Variants in GSK3B observed in about 807,000 individuals in gnomAD.
GSK3B encodes the protein glycogen synthase kinase 3 beta, also known as glycogen synthase kinase-3 beta.
In GSK3B, 15 loss-of-function variants were observed where a neutral mutation model predicts 56.4. That is an observed-to-expected ratio of 0.27 (90% CI 0.18 to 0.41). GSK3B has a LOEUF of 0.41. Ranked by LOEUF, GSK3B falls within the 10% of genes least tolerant of loss-of-function variation. GSK3B has a pLI of 1.00. For synonymous variants in GSK3B, 181 were observed against 188.9 expected (o/e 0.96, Z 0.34); for missense variants, 300 against 513.4 (o/e 0.58, Z 4.02).
At chr3:119,981,613 G>A (rs966704379) in intron 2 of GSK3B, among the ~76,000 whole-genome samples, 8 of 152,368 alleles carry the variant, frequency 5.3e-5, no homozygotes, top group African/African-American at 7.2e-5. Context: ...GTCTGAGATC[G>A]ATCTGTCAGG....
intron 1 of GSK3B, among the ~76,000 whole-genome samples, chr3:120,072,280 G>A (rs567333914): frequency 3.2e-4 from 48 of 152,206 alleles, no homozygotes; most frequent in East Asian, 1.9e-4. Flanking sequence ...ATCTTCGGCC[G>A]GGCACGGTAG....
chr3:119,897,151 T>C (rs1278131694), intron 7 of GSK3B, among the ~76,000 whole-genome samples: 1 of 152,172 alleles, frequency 6.6e-6, no homozygotes, highest in Non-Finnish European at 1.5e-5. Flanking sequence ...CGATTTCAAA[T>C]GGATGCCATT....
intron 2 of GSK3B, among the ~76,000 whole-genome samples, chr3:119,970,964 G>A (rs1021923166): frequency 6.6e-6 from 1 of 152,064 alleles, no homozygotes; most frequent in Admixed American, 6.6e-5. Context: ...TAAACAATTA[G>A]AATATCTCCC....
intron 8 of GSK3B, among the ~76,000 whole-genome samples, chr3:119,871,232 T>C (rs759270971): frequency 1.2e-4 from 19 of 152,200 alleles, no homozygotes; most frequent in African/African-American, 3.9e-4. Context: ...AGAATTCAAT[T>C]TTCTGCTTAC....
chr3:120,061,877 C>T (rs977531274), intron 1 of GSK3B, among the ~76,000 whole-genome samples: 1 of 152,146 alleles, frequency 6.6e-6, no homozygotes. Flanking sequence ...GCATTACAGG[C>T]ATGTGCTACC....
chr3:119,870,959 A>G (rs1049285646), intron 8 of GSK3B, among the ~76,000 whole-genome samples: 1 of 152,182 alleles, frequency 6.6e-6, no homozygotes, highest in African/African-American at 2.4e-5. Context: ...TGGATGTGAA[A>G]GAAAACTTTG....
chr3:120,026,512 TACACACAC>T (rs61580328), intron 1 of GSK3B, among the ~76,000 whole-genome samples: 29,085 of 130,402 alleles, frequency 0.22, 3,144 homozygotes, highest in East Asian at 0.4. Flanking sequence ...TACCGCCAAA[TACACACAC>T]ACACACACAC....
chr3:120,001,642 T>C (rs2057677988), intron 2 of GSK3B, among the ~76,000 whole-genome samples: 1 of 152,142 alleles, frequency 6.6e-6, no homozygotes, highest in South Asian at 2.1e-4. Context: ...AGTTGCAACA[T>C]GGATTAAAAA....
At chr3:120,003,572 TAAAAG>T (rs553821427) in intron 1 of GSK3B, among the ~76,000 whole-genome samples, 280 of 152,262 alleles carry the variant, frequency 1.8e-3, no homozygotes, top group Non-Finnish European at 3.3e-3. Context: ...ATTAACCTAA[TAAAAG>T]AAAAGTAATA....
At chr3:119,873,738 A>C (rs1033950082) in intron 8 of GSK3B, among the ~76,000 whole-genome samples, 9 of 152,136 alleles carry the variant, frequency 5.9e-5, no homozygotes, top group Non-Finnish European at 8.8e-5. Context: ...AAAAACAATA[A>C]AATTTCTGCA....
At chr3:119,878,667 T>C (rs192190362) in intron 7 of GSK3B, among the ~76,000 whole-genome samples, 1 of 152,310 alleles carries the variant, frequency 6.6e-6, no homozygotes, top group East Asian at 1.9e-4. Flanking sequence ...CAAATATGCA[T>C]AGCATATTTT....
chr3:119,915,945 C>A, intron 5 of GSK3B, 99 bp downstream of exon 5: 2 of 752,336 alleles, frequency 2.7e-6, no homozygotes, highest in South Asian at 2.0e-5. Context: ...ATAAGAATTA[C>A]TGTGTTTAGG....
intron 1 of GSK3B, among the ~76,000 whole-genome samples, chr3:120,014,867 G>A: frequency 6.6e-6 from 1 of 152,176 alleles, no homozygotes. Context: ...AAAACATAGG[G>A]TGGCAGAGGA....
At chr3:119,899,294 A>G (rs116053612) in intron 7 of GSK3B, among the ~76,000 whole-genome samples, 1 of 152,126 alleles carries the variant, frequency 6.6e-6, no homozygotes, top group Non-Finnish European at 1.5e-5. Flanking sequence ...TTTTCCACTT[A>G]ATGTTTCTGA....
chr3:119,842,970 C>A (rs1403076300), intron 10 of GSK3B, among the ~76,000 whole-genome samples: 1 of 151,646 alleles, frequency 6.6e-6, no homozygotes, highest in African/African-American at 2.4e-5. Context: ...GGCTGGAGTG[C>A]AGTGGCGCAA....
chr3:120,055,778 C>T (rs1369048303), intron 1 of GSK3B, among the ~76,000 whole-genome samples: 2 of 152,034 alleles, frequency 1.3e-5, no homozygotes, highest in African/African-American at 4.8e-5. Context: ...GATCTTTCAA[C>T]AAAGAATATT....
intron 2 of GSK3B, among the ~76,000 whole-genome samples, chr3:119,974,861 C>G (rs1435964378): frequency 6.6e-6 from 1 of 152,208 alleles, no homozygotes; most frequent in Non-Finnish European, 1.5e-5. Context: ...AACAAGAACA[C>G]TCACTCATTG....
intron 1 of GSK3B, among the ~76,000 whole-genome samples, chr3:120,066,341 G>C (rs776475702): frequency 6.6e-5 from 10 of 152,028 alleles, no homozygotes; most frequent in Non-Finnish European, 1.2e-4. Flanking sequence ...TGTCATACTA[G>C]AAAACAGGAT....
intron 1 of GSK3B, among the ~76,000 whole-genome samples, chr3:120,075,902 G>C (rs540807685): frequency 6.6e-6 from 1 of 152,052 alleles, no homozygotes; most frequent in African/African-American, 2.4e-5. Context: ...GGAACCACCA[G>C]ACTCTGAACA....
Sources: allele counts gnomAD v4.1 joint callset (sites outside exome capture counted in the v4.1 genomes callset), GRCh38; gene constraint gnomAD v4.1.1; transcripts MANE v1.5; gene names NCBI Gene and HGNC (gene_info 2026-07-23, HGNC 2026-07-21).